Variants in TMEM87B observed in about 807,000 individuals in gnomAD.
TMEM87B encodes the protein transmembrane protein 87B.
Under a neutral mutation model 80.3 loss-of-function variants are expected in TMEM87B, and 83 were observed. The observed-to-expected ratio is 1.03, with a 90% confidence interval of 0.87 to 1.24. The LOEUF is 1.24. Among genes scored for constraint, TMEM87B ranks in the 50% most tolerant of loss-of-function variants. The pLI, the probability that TMEM87B is intolerant of heterozygous loss-of-function variation, is 0.00. For synonymous variants in TMEM87B, 219 were observed against 230.5 expected, an observed-to-expected ratio of 0.95 and a Z score of 0.45; for missense variants, 625 against 674.4, an observed-to-expected ratio of 0.93 and a Z score of 0.81.
intron 4 of TMEM87B, among the ~76,000 whole-genome samples, chr2:112,071,517 G>T (rs566042660): frequency 1.2e-4 from 18 of 151,896 alleles, no homozygotes; most frequent in Non-Finnish European, 2.2e-4. Flanking sequence ...ATGTTGGCCA[G>T]GCTGCTCTCA....
intron 3 of TMEM87B, among the ~76,000 whole-genome samples, chr2:112,066,445 C>A (rs1678438906): frequency 6.6e-6 from 1 of 152,126 alleles, no homozygotes; most frequent in South Asian, 2.1e-4. Context: ...CATTAAGGAG[C>A]CTGGTTCATT....
intron 17 of TMEM87B, among the ~76,000 whole-genome samples, chr2:112,109,293 T>C (rs746250288): frequency 1.6e-4 from 24 of 152,238 alleles, no homozygotes; most frequent in Admixed American, 3.9e-4. Context: ...CCCATGTATT[T>C]ACTTTTTCTT....
At chr2:112,100,787 T>C (rs1005115780) in intron 15 of TMEM87B, 92 bp downstream of exon 15, 9 of 698,834 alleles carry the variant, frequency 1.3e-5, no homozygotes, top group Non-Finnish European at 1.8e-5. Flanking sequence ...ACATATATTG[T>C]TTTTTTCTAT....
chr2:112,086,283 A>G (rs994944256), intron 9 of TMEM87B, among the ~76,000 whole-genome samples, 179 bp downstream of exon 9: 1 of 152,280 alleles, frequency 6.6e-6, no homozygotes, highest in Admixed American at 6.5e-5. Context: ...GTTATCTTCC[A>G]ATAAAGACCC....
intron 1 of TMEM87B, among the ~76,000 whole-genome samples, chr2:112,058,085 C>T (rs1008847785): frequency 6.6e-6 from 1 of 152,178 alleles, no homozygotes; most frequent in South Asian, 2.1e-4. Flanking sequence ...CCTCAGCCTC[C>T]CAAAGTTCTG....
At chr2:112,069,605 G>A (rs939995625) in intron 4 of TMEM87B, among the ~76,000 whole-genome samples, 47 of 152,112 alleles carry the variant, frequency 3.1e-4, no homozygotes, top group Admixed American at 3.0e-3. Flanking sequence ...CTTTGGCAAC[G>A]TGAATGGTGC....
intron 4 of TMEM87B, among the ~76,000 whole-genome samples, chr2:112,070,908 AC>A (rs909912299): frequency 4.1e-5 from 6 of 147,576 alleles, no homozygotes; most frequent in Non-Finnish European, 9.0e-5. Context: ...TGCAACCTCC[AC>A]CTCCCGGGTT....
At chr2:112,088,216 A>G (rs1182995767) in intron 9 of TMEM87B, among the ~76,000 whole-genome samples, 1 of 152,218 alleles carries the variant, frequency 6.6e-6, no homozygotes, top group Non-Finnish European at 1.5e-5. Flanking sequence ...ACAGTGTAGG[A>G]AATGAAGGCC....
At chr2:112,065,200 C>T (rs1167172231) in intron 3 of TMEM87B, among the ~76,000 whole-genome samples, 5 of 152,216 alleles carry the variant, frequency 3.3e-5, no homozygotes, top group Admixed American at 2.0e-4. Context: ...CTTGAACTGC[C>T]TTTTTGGCTT....
chr2:112,064,353 C>T, intron 3 of TMEM87B, 100 bp downstream of exon 3: 1 of 1,021,318 alleles, frequency 9.8e-7, no homozygotes, highest in South Asian at 1.5e-5. Context: ...ATAGAGATTA[C>T]AGTTTTAGAA....
chr2:112,091,000 T>C (rs1443024588), intron 10 of TMEM87B, among the ~76,000 whole-genome samples: 1 of 152,018 alleles, frequency 6.6e-6, no homozygotes, highest in Non-Finnish European at 1.5e-5. Flanking sequence ...TGCATTCATA[T>C]AATAATAATA....
chr2:112,091,815 G>A (rs554416845), intron 11 of TMEM87B, 32 bp downstream of exon 11: 1 of 1,468,370 alleles, frequency 6.8e-7, no homozygotes, highest in African/African-American at 1.4e-5. Flanking sequence ...AAAATAGTTT[G>A]TTGTATCATG....
intron 17 of TMEM87B, among the ~76,000 whole-genome samples, chr2:112,112,292 C>G (rs1463477879): frequency 6.6e-6 from 1 of 152,202 alleles, no homozygotes; most frequent in African/African-American, 2.4e-5. Context: ...AGCAAAAGTT[C>G]TGTTATATAA....
chr2:112,091,908 T>C, intron 11 of TMEM87B, 125 bp downstream of exon 11: 2 of 709,062 alleles, frequency 2.8e-6, no homozygotes, highest in South Asian at 4.0e-5. Context: ...GAGGGTTCAC[T>C]TGAAGGTGAA....
rs75475274 is a variant in TMEM87B at position 112,061,178 on chromosome 2, A to G, written c.226+1141A>G. Among the ~76,000 whole-genome samples the G allele has an allele frequency of 3.1e-3, 473 of 152,316 alleles. 2 individuals are homozygous for G. Among genetic ancestry groups the G allele is most frequent in the African/African-American group, 0.011 (452 of 41,578 alleles). ...TTCTGTGTCAATACTGAGATACCAGAACTACCAAGGTTTTTTAAGAATTTC... is the reference window on the plus strand; with the variant it reads ...TTCTGTGTCAATACTGAGATACCAGGACTACCAAGGTTTTTTAAGAATTTC... On this transcript the variant is annotated intron_variant, in intron 2 of 18. Coordinates refer to ENST00000283206, the MANE Select transcript of TMEM87B (RefSeq NM_032824.3).
intron 15 of TMEM87B, among the ~76,000 whole-genome samples, chr2:112,105,176 T>C (rs1679732764): frequency 6.6e-6 from 1 of 152,194 alleles, no homozygotes; most frequent in South Asian, 2.1e-4. Flanking sequence ...CAAAAATCAC[T>C]GTATTCCCCT....
intron 8 of TMEM87B, among the ~76,000 whole-genome samples, chr2:112,084,199 C>A (rs1679078942): frequency 6.6e-6 from 1 of 152,124 alleles, no homozygotes; most frequent in South Asian, 2.1e-4. Flanking sequence ...GTCACATTAC[C>A]TCAAGAGGAG....
chr2:112,055,548 T>G lies in TMEM87B; in HGVS notation c.-44T>G. ...GGGGCGGTGCTGCACCAGGTGCGGG[T>G]GTGGCAGGCGTCTCGGAGCGCCAGG... is the stretch of plus-strand genomic sequence containing the variant. On this transcript the variant is annotated 5_prime_UTR_variant, in exon 1 of 19. Transcript: ENST00000283206. 2.1e-6 allele frequency: 3 copies of G among 1,458,144 alleles called. No homozygotes were observed. The highest frequency in any genetic ancestry group is 2.7e-6 in the Non-Finnish European group (3 of 1,109,104). 90.3% of individuals were successfully genotyped at this position (1,458,144 alleles called of 1,614,324 possible). A position where few individuals can be genotyped will look rare whatever the true frequency, so the allele number is the denominator to read the frequency against.
chr2:112,089,134 G>A (rs536825577), intron 9 of TMEM87B, among the ~76,000 whole-genome samples: 8 of 152,340 alleles, frequency 5.3e-5, no homozygotes, highest in African/African-American at 1.4e-4. Flanking sequence ...TTCTGGTTAA[G>A]AGCTGGTGAT....
Sources: allele counts gnomAD v4.1 joint callset (sites outside exome capture counted in the v4.1 genomes callset), GRCh38; gene constraint gnomAD v4.1.1; transcripts MANE v1.5; gene names NCBI Gene and HGNC (gene_info 2026-07-23, HGNC 2026-07-21).